EPSTI1: variants seen among roughly 807,000 people sequenced by gnomAD.
EPSTI1 encodes epithelial stromal interaction 1, also known as epithelial-stromal interaction protein 1.
EPSTI1 carries 66 observed loss-of-function variants against 49.9 expected under a neutral mutation model. The observed-to-expected ratio is 1.32, with a 90% confidence interval of 1.08 to 1.62. The LOEUF (loss-of-function observed/expected upper bound fraction) is 1.62. EPSTI1 is among the 40% of genes most tolerant of loss of function. EPSTI1 has a pLI of 0.00. For synonymous variants in EPSTI1, 137 were observed against 130.7 expected, an observed-to-expected ratio of 1.05 and a Z score of -0.33; for missense variants, 394 against 365.5, an observed-to-expected ratio of 1.08 and a Z score of -0.64.
intron 5 of EPSTI1, among the ~76,000 whole-genome samples, chr13:42,962,359 T>C (rs562847589): frequency 2.0e-5 from 3 of 152,162 alleles, no homozygotes; most frequent in South Asian, 4.2e-4. Context: ...ATATTTTCAA[T>C]GGGAAGGGTC....
intron 6 of EPSTI1, among the ~76,000 whole-genome samples, chr13:42,932,137 TG>T (rs1594672803): frequency 6.6e-6 from 1 of 151,900 alleles, no homozygotes; most frequent in East Asian, 1.9e-4. Flanking sequence ...CTTGCTGTGT[TG>T]CCCGGGCTGA....
rs1003274487 is a variant in EPSTI1, at chr13:42,888,654, C to T, written c.916-152G>A. 8 of 779,868 alleles carry T rather than the reference C, an allele frequency of 1.0e-5. No individual in the cohort carries two copies. In the African/African-American group the frequency reaches 1.1e-4, roughly 10 times the overall value. The allele number at this position is 779,868 out of a possible 1,614,324, so 48.3% of individuals were successfully genotyped here. A position where few individuals can be genotyped will look rare whatever the true frequency, so the allele number is the denominator to read the frequency against. On this transcript the variant is annotated intron_variant, in intron 10 of 10. Transcript: ENST00000313624. ...TTAACAACTTAAATGACCATTGAAA[C>T]GATTTGATTTTCAAGTCACATTGCA...
intron 7 of EPSTI1, among the ~76,000 whole-genome samples, chr13:42,924,055 T>C (rs1242314435): frequency 2.0e-5 from 3 of 152,256 alleles, no homozygotes; most frequent in Non-Finnish European, 4.4e-5. Flanking sequence ...GTCCTCTTTT[T>C]ACAAAGAAAT....
chr13:42,910,292 G>A lies in EPSTI1; in HGVS notation c.741+7249C>T, dbSNP rs372983300. ...TTTTTTTTTTTTGGAACAGAGTTTC[G>A]CTCTTGTTGCCCAGGGTAGGGTGCA... On this transcript the variant is annotated intron_variant, in intron 8 of 10. Transcript: ENST00000313624. Among the ~76,000 whole-genome samples the A allele has an allele frequency of 7.2e-4, 80 of 111,700 alleles. No individual in the cohort carries two copies. The East Asian group carries it at 0.013, about 18-fold the overall frequency. 73.3% of individuals were successfully genotyped at this position (111,700 alleles called of 152,430 possible). A position where few individuals can be genotyped will look rare whatever the true frequency, so the allele number is the denominator to read the frequency against.
intron 10 of EPSTI1, among the ~76,000 whole-genome samples, chr13:42,891,382 C>G: frequency 6.6e-6 from 1 of 152,142 alleles, no homozygotes; most frequent in East Asian, 1.9e-4. Flanking sequence ...GACAGTAAGA[C>G]ATAGATGTTG....
intron 8 of EPSTI1, among the ~76,000 whole-genome samples, chr13:42,906,387 T>G (rs73468027): frequency 0.022 from 3,279 of 152,316 alleles, 99 homozygotes; most frequent in East Asian, 0.099. Context: ...TGGGGTCATT[T>G]TAAAACCATG....
At chr13:42,962,619 C>CAAAAAAAA (rs67950561) in intron 5 of EPSTI1, among the ~76,000 whole-genome samples, 1 of 132,908 alleles carries the variant, frequency 7.5e-6, no homozygotes, top group South Asian at 2.5e-4. Flanking sequence ...ACAAAAAATA[C>CAAAAAAAA]AAAAAAAAAA....
In EPSTI1 at chr13:42,900,307, T is replaced by C. The variant is rs771711127; in HGVS notation, c.815+3A>G. ...GGATGCTTATTTTATTAGCCAGTTT[T>C]ACCTCCTGTGTTCAGTCTGGTGGAT... is the stretch of plus-strand genomic sequence containing the variant. On this transcript the variant is annotated splice_donor_region_variant and intron_variant, in intron 9 of 10. Coordinates refer to ENST00000313624, the MANE Select transcript of EPSTI1 (RefSeq NM_033255.5). 3 of 1,613,494 alleles carry C rather than the reference T, an allele frequency of 1.9e-6. No homozygotes were observed. The South Asian group carries it at 3.3e-5, about 18-fold the overall frequency.
At chr13:42,946,157 A>G (rs1324742756) in intron 6 of EPSTI1, among the ~76,000 whole-genome samples, 1 of 152,228 alleles carries the variant, frequency 6.6e-6, no homozygotes, top group East Asian at 1.9e-4. Flanking sequence ...GTGCATATTC[A>G]GCTGACTTGC....
intron 10 of EPSTI1, among the ~76,000 whole-genome samples, chr13:42,889,700 T>C (rs1358601875): frequency 6.6e-6 from 1 of 152,242 alleles, no homozygotes; most frequent in African/African-American, 2.4e-5. Flanking sequence ...TTGCAGAACA[T>C]GTCCTAAATA....
chr13:42,906,065 T>C (rs886200384), intron 8 of EPSTI1, among the ~76,000 whole-genome samples: 1 of 152,132 alleles, frequency 6.6e-6, no homozygotes, highest in Non-Finnish European at 1.5e-5. Flanking sequence ...ACACTGCAAA[T>C]AGCGCCACTG....
At chr13:42,893,252 G>C (rs1049573020) in intron 10 of EPSTI1, among the ~76,000 whole-genome samples, 1 of 152,196 alleles carries the variant, frequency 6.6e-6, no homozygotes, top group Admixed American at 6.5e-5. Flanking sequence ...TATGCTGATG[G>C]AAGTGTTCTA....
chr13:42,954,059 T>C (rs2039186037), intron 5 of EPSTI1, 38 bp from the exon 6 acceptor site: 3 of 1,560,036 alleles, frequency 1.9e-6, no homozygotes, highest in Non-Finnish European at 2.6e-6. Context: ...TTATTAAAGA[T>C]GCTTTAAGCA....
intron 1 of EPSTI1, among the ~76,000 whole-genome samples, chr13:42,977,370 A>G (rs547969325): frequency 6.6e-6 from 1 of 152,366 alleles, no homozygotes; most frequent in South Asian, 2.1e-4. Context: ...GTGCCCAATT[A>G]AAAGACTACA....
Position 42,969,094 on chromosome 13 carries a change from C to CT in EPSTI1, c.330dup (p.Gly111ArgfsTer8). On this transcript the variant is annotated frameshift_variant and splice_region_variant, in exon 3 of 11. Transcript: ENST00000313624. LOFTEE classifies it high-confidence loss of function. ...TCCGGCAGCGGCTGTGCTTGCTTACCTAGCCGTCTGGGCACCAGGTGAACC... is the reference window on the plus strand; with the variant it reads ...TCCGGCAGCGGCTGTGCTTGCTTACCTTAGCCGTCTGGGCACCAGGTGAACC... 6.2e-7 allele frequency: 1 copy of CT among 1,614,172 alleles called. No homozygotes were observed. Among genetic ancestry groups the CT allele is most frequent in the South Asian group, 1.1e-5 (1 of 91,072 alleles).
rs938837190 is a variant in EPSTI1 at position 42,922,078 on chromosome 13, G to C, written c.657+4258C>G. On this transcript the variant is annotated intron_variant, in intron 7 of 10. Transcript: ENST00000313624. The surrounding 1 kb of genome is among the most constrained non-coding windows in gnomAD (Gnocchi z 4.8). ...CCGACTGGCTTGGCAGTGAGAAAAC[G>C]TGTATATAGTCATAATAGGGAAAGC... Among the ~76,000 whole-genome samples, 1 of 152,186 alleles carries C rather than the reference G, an allele frequency of 6.6e-6. No individual in the cohort carries two copies. The highest frequency in any genetic ancestry group is 1.5e-5 in the Non-Finnish European group (1 of 68,030).
At chr13:42,954,416 T>G (rs1370220435) in intron 5 of EPSTI1, among the ~76,000 whole-genome samples, 3 of 152,194 alleles carry the variant, frequency 2.0e-5, no homozygotes, top group Non-Finnish European at 4.4e-5. Flanking sequence ...CATACAAAAT[T>G]TATACATACA....
At chr13:42,933,991 TC>T in intron 6 of EPSTI1, 1 of 172,888 alleles carries the variant, frequency 5.8e-6, no homozygotes, top group South Asian at 1.5e-4. Flanking sequence ...CCTGTATAAT[TC>T]CAGAATGTCT....
intron 8 of EPSTI1, among the ~76,000 whole-genome samples, chr13:42,907,700 T>C (rs990512413): frequency 6.6e-6 from 1 of 152,236 alleles, no homozygotes; most frequent in African/African-American, 2.4e-5. Flanking sequence ...TTTCTCTCAG[T>C]TGAAATTTAG....
Sources: gnomAD v4.1 joint callset for allele counts (sites outside exome capture counted in the v4.1 genomes callset) on GRCh38, gnomAD v4.1.1 for gene constraint, Gnocchi (gnomAD v3.1) non-coding constraint, MANE v1.5 for transcripts, NCBI Gene and HGNC (gene_info 2026-07-23, HGNC 2026-07-21) for gene names.